The following STON1 variants were observed in gnomAD, a reference collection of about 807,000 sequenced individuals.
STON1 encodes stonin-1.
A neutral mutation model predicts 60.9 loss-of-function variants in STON1; 79 were observed. That is an observed-to-expected ratio of 1.30 (90% confidence interval 1.08 to 1.56). The LOEUF is 1.56. Among genes scored for constraint, STON1 ranks in the 40% most tolerant of loss-of-function variants. STON1 has a pLI of 0.00. For synonymous variants in STON1, 363 were observed against 306.9 expected, an observed-to-expected ratio of 1.18 and a Z score of -1.91; for missense variants, 1,166 against 858.9, an observed-to-expected ratio of 1.36 and a Z score of -4.47.
At chr2:48,549,190 A>G (rs1671988571) in intron 1 of STON1, among the ~76,000 whole-genome samples, 1 of 152,230 alleles carries the variant, frequency 6.6e-6, no homozygotes, top group East Asian at 1.9e-4. Flanking sequence ...GTAAGACCAC[A>G]CTAAAGTAAA....
intron 1 of STON1, among the ~76,000 whole-genome samples, chr2:48,576,655 C>T (rs1329964379): frequency 6.6e-6 from 1 of 151,954 alleles, no homozygotes; most frequent in Non-Finnish European, 1.5e-5. Context: ...TTTTTGGAGA[C>T]ATGTTTATTC....
intron 1 of STON1, among the ~76,000 whole-genome samples, chr2:48,535,789 T>C (rs1671401338): frequency 6.6e-6 from 1 of 152,186 alleles, no homozygotes; most frequent in East Asian, 1.9e-4. Context: ...GCATTTGTGA[T>C]TACACAAATT....
At chr2:48,577,288 G>C (rs547018450) in intron 1 of STON1, among the ~76,000 whole-genome samples, 1 of 149,190 alleles carries the variant, frequency 6.7e-6, no homozygotes, top group Non-Finnish European at 1.5e-5. Flanking sequence ...TTTTCTCAGA[G>C]TTTTATAGTT....
At chr2:48,572,427 G>C (rs1039781904) in intron 1 of STON1, among the ~76,000 whole-genome samples, 1 of 152,162 alleles carries the variant, frequency 6.6e-6, no homozygotes, top group African/African-American at 2.4e-5. Flanking sequence ...GACAGTGAGG[G>C]GGTAGGAGTG....
At chr2:48,563,577 T>G (rs1328480827) in intron 1 of STON1, among the ~76,000 whole-genome samples, 2 of 152,190 alleles carry the variant, frequency 1.3e-5, no homozygotes, top group Non-Finnish European at 2.9e-5. Flanking sequence ...GGCCGAGGTG[T>G]CCAGAGGTAA....
At chr2:48,554,358 A>T (rs1177986520) in intron 1 of STON1, among the ~76,000 whole-genome samples, 1 of 152,142 alleles carries the variant, frequency 6.6e-6, no homozygotes, top group African/African-American at 2.4e-5. Context: ...ACTAGCTGGG[A>T]TTACAGGCGT....
intron 1 of STON1, among the ~76,000 whole-genome samples, chr2:48,572,195 T>C (rs1297706653): frequency 6.6e-6 from 1 of 151,684 alleles, no homozygotes; most frequent in African/African-American, 2.4e-5. Flanking sequence ...TAAAGGAAGA[T>C]AGCAAGAGAT....
At chr2:48,575,678 A>G (rs1377038760) in intron 1 of STON1, among the ~76,000 whole-genome samples, 5 of 151,582 alleles carry the variant, frequency 3.3e-5, no homozygotes, top group Non-Finnish European at 7.4e-5. Context: ...AAATAAATAA[A>G]TAAATAAATG....
At chr2:48,555,296 G>T (rs1431461531) in intron 1 of STON1, among the ~76,000 whole-genome samples, 1 of 85,680 alleles carries the variant, frequency 1.2e-5, no homozygotes, top group African/African-American at 4.4e-5. Context: ...CCTCCCGGAC[G>T]GGGCGGCTGG....
intron 1 of STON1, among the ~76,000 whole-genome samples, chr2:48,562,151 G>A (rs556751336): frequency 1.9e-4 from 29 of 152,318 alleles, no homozygotes; most frequent in African/African-American, 6.0e-4. Context: ...GTGAGCCACC[G>A]CACCTGGCCT....
At chr2:48,555,592 G>A (rs1672313535) in intron 1 of STON1, among the ~76,000 whole-genome samples, 1 of 47,768 alleles carries the variant, frequency 2.1e-5, no homozygotes, top group African/African-American at 8.9e-5. Context: ...CTGGCCGGGC[G>A]GGGGGCTGAC....
At chr2:48,585,639 G>C (rs1450676897) in intron 2 of STON1, among the ~76,000 whole-genome samples, 2 of 152,206 alleles carry the variant, frequency 1.3e-5, no homozygotes, top group Non-Finnish European at 2.9e-5. Context: ...TTCATACAAG[G>C]TTCCAAATGG....
chr2:48,593,764 A>T (rs1425747122), intron 3 of STON1, among the ~76,000 whole-genome samples: 2 of 152,190 alleles, frequency 1.3e-5, no homozygotes, highest in African/African-American at 4.8e-5. Flanking sequence ...CCTATACTAT[A>T]GTAATGTGAG....
chr2:48,574,462 A>G (rs183651999), intron 1 of STON1, among the ~76,000 whole-genome samples: 17 of 152,332 alleles, frequency 1.1e-4, no homozygotes, highest in Non-Finnish European at 2.2e-4. Flanking sequence ...AAACATACTA[A>G]AAGCCACTGA....
At chr2:48,580,000 A>T (rs1467714348) in intron 1 of STON1, among the ~76,000 whole-genome samples, 1 of 152,134 alleles carries the variant, frequency 6.6e-6, no homozygotes, top group Non-Finnish European at 1.5e-5. Context: ...TCTGCCTCCC[A>T]GGTTCAAGAG....
chr2:48,541,076 A>G (rs1018251927), intron 1 of STON1, among the ~76,000 whole-genome samples: 14 of 152,204 alleles, frequency 9.2e-5, no homozygotes, highest in South Asian at 4.1e-4. Context: ...TGGGCCGGGC[A>G]CAGTGGCTCA....
chr2:48,538,576 T>G (rs1028607442), intron 1 of STON1, among the ~76,000 whole-genome samples: 1 of 151,888 alleles, frequency 6.6e-6, no homozygotes, highest in Non-Finnish European at 1.5e-5. Flanking sequence ...ACCTTTCCTA[T>G]GGTGCTGAGA....
At position 48,557,698 on chromosome 2, in the gene STON1, C is replaced by A. The variant is rs1248517344; in HGVS notation, c.-47-22889C>A. On this transcript the variant is annotated intron_variant, in intron 1 of 3. Transcript: ENST00000404752. ...CTGCAATCCCGGCACCTCGGGAGGC[C>A]GAGGTTGGCGGATCACTCGCGGTTA... Among the ~76,000 whole-genome samples, 2 of 68,982 alleles carry A rather than the reference C, an allele frequency of 2.9e-5. 1 individual carries two copies. Among genetic ancestry groups the A allele is most frequent in the Non-Finnish European group, 6.4e-5 (2 of 31,132 alleles). The allele number at this position is 68,982 out of a possible 152,430, so 45.3% of individuals were successfully genotyped here. A position where few individuals can be genotyped will look rare whatever the true frequency, so the allele number is the denominator to read the frequency against.
At chr2:48,568,768 G>A (rs1039373148) in intron 1 of STON1, among the ~76,000 whole-genome samples, 1 of 152,200 alleles carries the variant, frequency 6.6e-6, no homozygotes, top group Non-Finnish European at 1.5e-5. Flanking sequence ...CAACCTTGGG[G>A]AAAATTATCA....
Sources: gnomAD v4.1 joint callset for allele counts (sites outside exome capture counted in the v4.1 genomes callset) on GRCh38, gnomAD v4.1.1 for gene constraint, MANE v1.5 for transcripts, NCBI Gene and HGNC (gene_info 2026-07-23, HGNC 2026-07-21) for gene names.